The following PTK2 variants were observed in gnomAD, a reference collection of about 807,000 sequenced individuals.
PTK2 encodes focal adhesion kinase 1.
PTK2 carries 45 observed loss-of-function variants against 150.1 expected under a neutral mutation model. The observed-to-expected ratio is 0.30, with a 90% CI of 0.24 to 0.38. PTK2 has a LOEUF of 0.38. Ranked by LOEUF, PTK2 falls within the 10% of genes least tolerant of loss-of-function variation. The pLI, the probability that PTK2 is intolerant of heterozygous loss-of-function variation, is 1.00. For synonymous variants in PTK2, 432 were observed against 449.2 expected (o/e 0.96, Z 0.48); for missense variants, 919 against 1,307.3 (o/e 0.70, Z 4.58).
intron 28 of PTK2, among the ~76,000 whole-genome samples, 189 bp from the exon 32 acceptor site, chr8:140,674,593 G>T (rs2100012473): frequency 1.3e-5 from 2 of 151,908 alleles, no homozygotes; most frequent in Admixed American, 1.3e-4. Context: ...TACAAAATTA[G>T]CCGGGTGTGG....
Position 140,988,728 on chromosome 8 carries a change from CAAAAAAAAAA to C in PTK2, c.-122+12387_-122+12396del, listed in dbSNP as rs71310814. 4.3e-5 allele frequency among the ~76,000 whole-genome samples: 3 copies of C among 69,970 alleles called. No homozygotes were observed. In the South Asian group the frequency reaches 1.8e-3, roughly 43 times the overall value. 45.9% of individuals were successfully genotyped at this position (69,970 alleles called of 152,430 possible). On this transcript the variant is annotated intron_variant, in intron 1 of 31. Coordinates refer to ENST00000522684, the Ensembl canonical transcript of PTK2. ...TGGGTTGCAGAGCAAGACTCCATCC[CAAAAAAAAAA>C]AAAAAAAAAAAAAGACACACACGTA...
intron 2 of PTK2, among the ~76,000 whole-genome samples, chr8:140,915,619 G>A (rs549673360): frequency 3.9e-4 from 59 of 152,112 alleles, no homozygotes; most frequent in African/African-American, 1.2e-3. Context: ...TATCCAGGCC[G>A]GGCACGGTGG....
intron 29 of PTK2, chr8:140,672,283 C>A (rs978577144): frequency 1.5e-5 from 5 of 336,580 alleles, no homozygotes; most frequent in South Asian, 1.1e-4. Flanking sequence ...CCTTCCTCAG[C>A]CTCCCGAGTA....
rs1395485424 is a variant in PTK2 at position 140,773,901 on chromosome 8, G to C, written c.1178-9611C>G. On this transcript the variant is annotated intron_variant, in intron 14 of 31. Transcript: ENST00000522684. Reference sequence around the variant, plus strand: ...TTGCTCCGGGCCCGGGTGCAGGATAGGGGTGAGGAGGGCATGACTGAAGCC... The same window carrying C: ...TTGCTCCGGGCCCGGGTGCAGGATACGGGTGAGGAGGGCATGACTGAAGCC... Among the ~76,000 whole-genome samples, 3 of 152,158 alleles carry C rather than the reference G, an allele frequency of 2.0e-5. No individual in the cohort carries two copies. The South Asian group carries it at 6.2e-4, about 32-fold the overall frequency.
intron 1 of PTK2, chr8:140,983,724 A>G (rs1319400496): frequency 1.4e-5 from 2 of 138,316 alleles, no homozygotes; most frequent in Non-Finnish European, 3.1e-5. Flanking sequence ...GAGGGAGAGA[A>G]GAAGGGAGGG....
At chr8:140,837,089 A>C (rs2100119095) in intron 7 of PTK2, among the ~76,000 whole-genome samples, 1 of 152,214 alleles carries the variant, frequency 6.6e-6, no homozygotes, top group Admixed American at 6.5e-5. Context: ...CATTTTTCTT[A>C]AAACATTTGA....
chr8:140,962,752 G>A (rs2100183794), intron 1 of PTK2, among the ~76,000 whole-genome samples: 1 of 151,714 alleles, frequency 6.6e-6, no homozygotes, highest in Admixed American at 6.6e-5. Flanking sequence ...CTGCACCCCA[G>A]CCTGGGTGAC....
exon 3 of PTK2, chr8:140,890,711 G>C: frequency 6.2e-7 from 1 of 1,614,148 alleles, no homozygotes; most frequent in Non-Finnish European, 8.5e-7. Context: ...TGTGATTCAA[G>C]TTGGGGTCAA....
At chr8:140,707,321 G>T in intron 23 of PTK2, among the ~76,000 whole-genome samples, 1 of 152,168 alleles carries the variant, frequency 6.6e-6, no homozygotes, top group East Asian at 1.9e-4. Context: ...ATCACACGGT[G>T]AGACCCCGTC....
At chr8:140,998,269 A>G (rs890255577) in intron 1 of PTK2, among the ~76,000 whole-genome samples, 2 of 152,192 alleles carry the variant, frequency 1.3e-5, no homozygotes, top group Admixed American at 6.5e-5. Context: ...GAAACTTTAT[A>G]AACACTTTGA....
chr8:140,961,762 ATTT>A (rs2100183284), intron 1 of PTK2, among the ~76,000 whole-genome samples: 1 of 152,184 alleles, frequency 6.6e-6, no homozygotes, highest in South Asian at 2.1e-4. Flanking sequence ...TATAGTACAC[ATTT>A]TTTAAAAGGC....
At chr8:140,958,233 G>A (rs777757936) in intron 1 of PTK2, among the ~76,000 whole-genome samples, 19 of 152,152 alleles carry the variant, frequency 1.2e-4, no homozygotes, top group Non-Finnish European at 2.2e-4. Context: ...AACCTACTGG[G>A]CTCAAGCAAT....
At chr8:140,954,704 A>C (rs2100180648) in intron 1 of PTK2, 1 of 152,194 alleles carries the variant, frequency 6.6e-6, no homozygotes, top group Non-Finnish European at 1.5e-5. Flanking sequence ...CAAAACCAAA[A>C]ATCTCAAGAC....
intron 22 of PTK2, chr8:140,718,376 G>A (rs987122905): frequency 6.6e-6 from 1 of 152,156 alleles, no homozygotes; most frequent in East Asian, 1.9e-4. Context: ...CCGCTGCAGC[G>A]ACTGCTAGGC....
intron 14 of PTK2, chr8:140,764,670 A>G (rs556199755): frequency 3.0e-6 from 1 of 331,154 alleles, no homozygotes; most frequent in Non-Finnish European, 5.5e-6. Context: ...CTTTCTCCAA[A>G]TAAGACTGGT....
At chr8:140,858,428 A>G (rs1322775934) in intron 5 of PTK2, among the ~76,000 whole-genome samples, 1 of 150,498 alleles carries the variant, frequency 6.6e-6, no homozygotes, top group African/African-American at 2.4e-5. Flanking sequence ...CAAGGGCAGA[A>G]AAAAAAAAAG....
intron 27 of PTK2, among the ~76,000 whole-genome samples, chr8:140,683,772 G>A (rs1173368219): frequency 6.2e-5 from 9 of 145,336 alleles, no homozygotes; most frequent in Non-Finnish European, 7.5e-5. Context: ...CTCAATAGAT[G>A]AAAAAAAAAA....
intron 20 of PTK2, 110 bp downstream of exon 23, chr8:140,743,120 T>C: frequency 1.2e-5 from 9 of 746,270 alleles, no homozygotes; most frequent in South Asian, 4.5e-5. Flanking sequence ...CTCCATTTAG[T>C]TGATTTTATA....
chr8:140,808,905 G>A (rs1237988002), intron 10 of PTK2, among the ~76,000 whole-genome samples: 1 of 151,982 alleles, frequency 6.6e-6, no homozygotes, highest in Non-Finnish European at 1.5e-5. Flanking sequence ...GCTAATTTTT[G>A]TATTTTTAGT....
Sources: gnomAD v4.1 joint callset for allele counts (sites outside exome capture counted in the v4.1 genomes callset) on GRCh38, gnomAD v4.1.1 for gene constraint, MANE v1.5 for transcripts, NCBI Gene and HGNC (gene_info 2026-07-23, HGNC 2026-07-21) for gene names.